Variants in NMS observed in about 807,000 individuals in gnomAD.
The protein encoded by NMS is neuromedin-S.
Under a neutral mutation model 32.2 loss-of-function variants are expected in NMS, and 30 were observed. The observed-to-expected ratio is 0.93, with a 90% confidence interval of 0.70 to 1.26. NMS has a LOEUF of 1.26. Ranked by LOEUF, NMS falls within the 50% of genes most tolerant of loss-of-function variation. The pLI, the probability that NMS is intolerant of heterozygous loss-of-function variation, is 0.00. For synonymous variants in NMS, 76 were observed against 58.5 expected (o/e 1.30, Z -1.37); for missense variants, 190 against 186.3 (o/e 1.02, Z -0.12).
chr2:100,483,167 GT>G, intron 9 of NMS, 84 bp from the exon 10 acceptor site: 2 of 1,218,296 alleles, frequency 1.6e-6, no homozygotes, highest in South Asian at 2.6e-5. Context: ...TGTAAAATAT[GT>G]TACATAATAA....
intron 1 of NMS, among the ~76,000 whole-genome samples, chr2:100,471,537 A>AGAG (rs1677006246): frequency 2.0e-5 from 3 of 152,170 alleles, no homozygotes; most frequent in Non-Finnish European, 4.4e-5. Flanking sequence ...TCTTTGCTCC[A>AGAG]GTAGAGTCCT....
At position 100,479,391 on chromosome 2, in the gene NMS, G is replaced by A. The variant is rs758204331; in HGVS notation, c.300G>A (p.Lys100=). The A allele has an allele frequency of 2.5e-6, 4 of 1,611,250 alleles. No homozygotes were observed. The highest frequency in any genetic ancestry group is 3.4e-5 in the Admixed American group (2 of 59,496). Residue 100 remains lysine (K), a synonymous_variant, in exon 6 of 10, where the codon AAG becomes AAA. Coordinates refer to ENST00000376865, the MANE Select transcript of NMS (RefSeq NM_001011717.1). The part of the protein sequence containing the change: ...PVHPLMHLAA[K]LANRRMKRIL... ...ATCCTCTAATGCACCTGGCTGCCAA[G>A]CTCGCCAACAGGCGGATGAAGAGAA...
At chr2:100,474,097 G>A (rs368739751) in intron 3 of NMS, among the ~76,000 whole-genome samples, 11 of 152,102 alleles carry the variant, frequency 7.2e-5, no homozygotes, top group East Asian at 5.8e-4. Flanking sequence ...CCCGGGAGGC[G>A]GAGGTTGCAG....
At chr2:100,480,088 C>G (rs1054905247) in intron 6 of NMS, among the ~76,000 whole-genome samples, 1 of 152,198 alleles carries the variant, frequency 6.6e-6, no homozygotes, top group South Asian at 2.1e-4. Context: ...GTTTGTCTGA[C>G]CCCCTGCTAA....
chr2:100,475,602 T>C (rs1438560388), intron 3 of NMS, among the ~76,000 whole-genome samples: 1 of 152,140 alleles, frequency 6.6e-6, no homozygotes, highest in East Asian at 1.9e-4. Context: ...GATGGGGTAG[T>C]AAAACAAACT....
intron 1 of NMS, among the ~76,000 whole-genome samples, chr2:100,470,982 G>A (rs1043601421): frequency 1.3e-5 from 2 of 151,108 alleles, no homozygotes; most frequent in African/African-American, 4.8e-5. Flanking sequence ...TTCGAGAAGG[G>A]CGCGGGAGGA....
chr2:100,478,638 A>G (rs1677158144), intron 5 of NMS, among the ~76,000 whole-genome samples: 1 of 151,980 alleles, frequency 6.6e-6, no homozygotes. Flanking sequence ...CTAATTTCTT[A>G]TTTTTAATAA....
chr2:100,475,344 C>T (rs1421807955), intron 3 of NMS, among the ~76,000 whole-genome samples: 2 of 152,118 alleles, frequency 1.3e-5, no homozygotes, highest in Admixed American at 6.6e-5. Flanking sequence ...CACTCCTGTT[C>T]TGGTTTCCAG....
At chr2:100,480,560 C>T (rs539977004) in intron 7 of NMS, 29 bp downstream of exon 7, 1 of 1,611,792 alleles carries the variant, frequency 6.2e-7, no homozygotes, top group African/African-American at 1.3e-5. Flanking sequence ...GACTGCGACC[C>T]CCAAAGAAAG....
At chr2:100,479,265 A>T (rs1400109708) in intron 5 of NMS, 88 bp from the exon 6 acceptor site, 5 of 873,922 alleles carry the variant, frequency 5.7e-6, no homozygotes, top group African/African-American at 1.7e-5. Context: ...GGAAGTGAGT[A>T]GAAAGAAATG....
At chr2:100,476,145 G>A (rs1313220116) in intron 3 of NMS, among the ~76,000 whole-genome samples, 6 of 152,280 alleles carry the variant, frequency 3.9e-5, no homozygotes, top group Non-Finnish European at 7.4e-5. Context: ...GTATACAGCT[G>A]ATGAATGTGG....
chr2:100,481,224 A>G, intron 8 of NMS, 57 bp downstream of exon 8: 1 of 1,520,432 alleles, frequency 6.6e-7, no homozygotes, highest in Non-Finnish European at 9.1e-7. Flanking sequence ...AGCCATCCCA[A>G]TCATGGAGTG....
At chr2:100,479,302 C>T in intron 5 of NMS, 51 bp from the exon 6 acceptor site, 1 of 1,365,258 alleles carries the variant, frequency 7.3e-7, no homozygotes, top group Non-Finnish European at 1.0e-6. Context: ...CTCAAAATAC[C>T]CCTCTGTGGA....
intron 1 of NMS, among the ~76,000 whole-genome samples, chr2:100,471,249 T>C (rs1268985950): frequency 6.6e-6 from 1 of 152,202 alleles, no homozygotes; most frequent in Non-Finnish European, 1.5e-5. Flanking sequence ...ACAACTACGG[T>C]TGGAAACACA....
At chr2:100,473,756 T>C (rs1447475229) in intron 3 of NMS, among the ~76,000 whole-genome samples, 1 of 152,010 alleles carries the variant, frequency 6.6e-6, no homozygotes, top group African/African-American at 2.4e-5. Flanking sequence ...GGGTAGTTCA[T>C]GTATATTCTT....
chr2:100,470,711 C>A (rs1051829685), intron 1 of NMS, 147 bp downstream of exon 1: 2 of 714,988 alleles, frequency 2.8e-6, no homozygotes, highest in African/African-American at 3.5e-5. Flanking sequence ...TTTGTTGGAA[C>A]CTTTAGGAGA....
chr2:100,479,147 T>A (rs1299042895), intron 5 of NMS, among the ~76,000 whole-genome samples: 1 of 152,208 alleles, frequency 6.6e-6, no homozygotes, highest in Non-Finnish European at 1.5e-5. Flanking sequence ...AGGGCTGTGT[T>A]GGAATTGAAA....
At chr2:100,481,729 G>T (rs1036069012) in intron 8 of NMS, among the ~76,000 whole-genome samples, 2 of 152,216 alleles carry the variant, frequency 1.3e-5, no homozygotes, top group Non-Finnish European at 2.9e-5. Context: ...GCAAAAGTCA[G>T]CTAAGATTGG....
intron 3 of NMS, among the ~76,000 whole-genome samples, chr2:100,475,419 C>T (rs1274552417): frequency 6.6e-6 from 1 of 152,170 alleles, no homozygotes; most frequent in Non-Finnish European, 1.5e-5. Flanking sequence ...CAGTCACATT[C>T]TGCAAATGAT....
Sources: allele counts gnomAD v4.1 joint callset (sites outside exome capture counted in the v4.1 genomes callset), GRCh38; gene constraint gnomAD v4.1.1; transcripts MANE v1.5; gene names NCBI Gene and HGNC (gene_info 2026-07-23, HGNC 2026-07-21).